PIK3C3: variants seen among roughly 807,000 people sequenced by gnomAD.
The protein encoded by PIK3C3 is phosphatidylinositol 3-kinase catalytic subunit type 3, also known as PI3-kinase type 3.
In PIK3C3, 95 loss-of-function variants were observed where a neutral mutation model predicts 126.1. That is an observed-to-expected ratio of 0.75 (90% CI 0.64 to 0.89). The LOEUF is 0.89. Among genes scored for constraint, PIK3C3 ranks in the 40% least tolerant of loss-of-function variants. The pLI is 0.00. For synonymous variants in PIK3C3, 374 were observed against 360.0 expected (o/e 1.04, Z -0.44); for missense variants, 829 against 1,063.2 (o/e 0.78, Z 3.06).
At chr18:42,039,346 T>C (rs1368733212) in intron 18 of PIK3C3, among the ~76,000 whole-genome samples, 1 of 152,230 alleles carries the variant, frequency 6.6e-6, no homozygotes, top group Non-Finnish European at 1.5e-5. Context: ...CCTTAATTAC[T>C]CTTCTCAGTT....
intron 9 of PIK3C3, among the ~76,000 whole-genome samples, chr18:42,000,134 A>G (rs1396243004): frequency 6.6e-6 from 1 of 151,850 alleles, no homozygotes; most frequent in Admixed American, 6.6e-5. Flanking sequence ...GCTCACTGCA[A>G]CCTCCCCCTC....
intron 5 of PIK3C3, among the ~76,000 whole-genome samples, chr18:41,989,843 A>G (rs556244291): frequency 4.6e-5 from 7 of 152,346 alleles, no homozygotes; most frequent in African/African-American, 1.4e-4. Context: ...AGGGGACACA[A>G]TTATATAAAT....
intron 21 of PIK3C3, 83 bp from the exon 22 acceptor site, chr18:42,057,800 G>A: frequency 8.3e-7 from 1 of 1,210,558 alleles, no homozygotes; most frequent in Non-Finnish European, 1.2e-6. Context: ...AAGAGACACT[G>A]TTTATATCAA....
chr18:42,029,781 G>T (rs1983745618), intron 15 of PIK3C3, among the ~76,000 whole-genome samples: 1 of 151,824 alleles, frequency 6.6e-6, no homozygotes, highest in South Asian at 2.1e-4. Flanking sequence ...GACCGTAGGT[G>T]ATCCACCCGC....
At chr18:41,993,629 T>G (rs682408) in intron 7 of PIK3C3, among the ~76,000 whole-genome samples, 99,612 of 151,174 alleles carry the variant, frequency 0.66, 35,118 homozygotes, top group African/African-American at 0.91. Flanking sequence ...AGGTTGGGGG[T>G]ATATAATCTT....
chr18:41,958,040 T>C (rs1190875884), intron 2 of PIK3C3, among the ~76,000 whole-genome samples: 1 of 152,212 alleles, frequency 6.6e-6, no homozygotes, highest in African/African-American at 2.4e-5. Flanking sequence ...TCTGTGGCAT[T>C]TTAAAATTCT....
chr18:42,025,968 C>G (rs1358023807), intron 13 of PIK3C3: 1 of 152,082 alleles, frequency 6.6e-6, no homozygotes, highest in African/African-American at 2.4e-5. Flanking sequence ...TGAAGTTGAC[C>G]ATCTGAATGG....
In PIK3C3 at chr18:42,081,079, A is replaced by G. The variant is rs1438581276; in HGVS notation, c.2650-44A>G. 4 of 1,114,026 alleles carry G rather than the reference A, an allele frequency of 3.6e-6. No homozygotes were observed. In the African/African-American group the frequency reaches 6.3e-5, roughly 18 times the overall value. The allele number at this position is 1,114,026 out of a possible 1,614,324, so 69.0% of individuals were successfully genotyped here. ...AGACTATTGTTTATCTTTGTGAATA[A>G]TTAAGTAAATTATTTTCTGTTTATT... On this transcript the variant is annotated intron_variant, in intron 24 of 24. Transcript: ENST00000262039.
chr18:42,066,692 CTT>C (rs1985554480), intron 23 of PIK3C3, among the ~76,000 whole-genome samples: 1 of 152,090 alleles, frequency 6.6e-6, no homozygotes, highest in Non-Finnish European at 1.5e-5. Context: ...GTAACATTGA[CTT>C]TTATATATAT....
At chr18:41,979,541 T>C (rs1192567134) in intron 4 of PIK3C3, among the ~76,000 whole-genome samples, 1 of 152,210 alleles carries the variant, frequency 6.6e-6, no homozygotes, top group Non-Finnish European at 1.5e-5. Context: ...TATGAATTTC[T>C]AAACCTGTAC....
In PIK3C3 at chr18:42,083,834, TCA is replaced by T. The variant is rs1455201205; in HGVS notation, c.*2700_*2701del. 1 of 152,210 alleles carries T rather than the reference TCA, an allele frequency of 6.6e-6. No individual in the cohort carries two copies. Among genetic ancestry groups the T allele is most frequent in the Non-Finnish European group, 1.5e-5 (1 of 68,064 alleles). 9.4% of individuals were successfully genotyped at this position (152,210 alleles called of 1,614,324 possible). On this transcript the variant is annotated 3_prime_UTR_variant, in exon 25 of 25. Transcript: ENST00000262039. ...TTGAAGTCGAGTTAGACCCCAGTGA[TCA>T]CAGTCTTGACGATTAAATTCTTCCA...
At chr18:41,958,032 T>C (rs1013130702) in intron 2 of PIK3C3, among the ~76,000 whole-genome samples, 8 of 152,138 alleles carry the variant, frequency 5.3e-5, no homozygotes, top group African/African-American at 1.9e-4. Flanking sequence ...AAAACACGTC[T>C]GTGGCATTTT....
rs111437160 is a variant in PIK3C3, at chr18:42,019,509, C to T, written c.1417-1129C>T. On this transcript the variant is annotated intron_variant, in intron 12 of 24. Transcript: ENST00000262039. Reference sequence around the variant, plus strand: ...AGTAAATAACTTTCTTCTTGAAAAACTAACTCTTCTCATGGTTTAGGTGAT... The same window carrying T: ...AGTAAATAACTTTCTTCTTGAAAAATTAACTCTTCTCATGGTTTAGGTGAT... Among the ~76,000 whole-genome samples the T allele has an allele frequency of 4.3e-3, 657 of 152,190 alleles. 11 individuals are homozygous for T. The highest frequency in any genetic ancestry group is 0.015 in the African/African-American group (613 of 41,540).
intron 17 of PIK3C3, 26 bp from the exon 18 acceptor site, chr18:42,038,755 A>G: frequency 7.0e-7 from 1 of 1,431,462 alleles, no homozygotes; most frequent in Admixed American, 1.7e-5. Context: ...ACATTTGGTT[A>G]ATATATTTTA....
chr18:42,044,252 T>C (rs1357966955), intron 20 of PIK3C3, among the ~76,000 whole-genome samples: 1 of 152,158 alleles, frequency 6.6e-6, no homozygotes, highest in Non-Finnish European at 1.5e-5. Flanking sequence ...TTATGGTCCA[T>C]TCCTAGAAAT....
At chr18:41,987,357 TA>T (rs1981534382) in intron 4 of PIK3C3, among the ~76,000 whole-genome samples, 1 of 152,094 alleles carries the variant, frequency 6.6e-6, no homozygotes, top group South Asian at 2.1e-4. Context: ...TGTGTGAGCT[TA>T]AACCTTAGAG....
intron 22 of PIK3C3, among the ~76,000 whole-genome samples, chr18:42,060,768 C>T (rs1267165578): frequency 6.6e-6 from 1 of 152,016 alleles, no homozygotes; most frequent in Admixed American, 6.6e-5. Context: ...TAGAGCAAGA[C>T]TCTGTCTCAA....
At chr18:41,960,084 T>C (rs1980002312) in intron 2 of PIK3C3, among the ~76,000 whole-genome samples, 1 of 152,206 alleles carries the variant, frequency 6.6e-6, no homozygotes, top group African/African-American at 2.4e-5. Context: ...TATGAGATTC[T>C]AAATTATTTA....
At chr18:42,013,192 T>C (rs1447782295) in intron 10 of PIK3C3, among the ~76,000 whole-genome samples, 4 of 151,294 alleles carry the variant, frequency 2.6e-5, no homozygotes, top group Non-Finnish European at 5.9e-5. Context: ...GACACTATAC[T>C]GTGACTTTCT....
Sources: allele counts gnomAD v4.1 joint callset (sites outside exome capture counted in the v4.1 genomes callset), GRCh38; gene constraint gnomAD v4.1.1; transcripts MANE v1.5; gene names NCBI Gene and HGNC (gene_info 2026-07-23, HGNC 2026-07-21).